Variants in LAMA1 observed in about 807,000 individuals in gnomAD.
LAMA1 encodes laminin subunit alpha 1.
In LAMA1, 219 loss-of-function variants were observed where a neutral mutation model predicts 348.7. The observed-to-expected ratio is 0.63, with a 90% CI of 0.56 to 0.70. The LOEUF is 0.70. LAMA1 is among the 30% of genes least tolerant of loss of function. LAMA1 has a pLI of 0.00. For missense variants in LAMA1, 3,744 were observed against 3,888.0 expected, an observed-to-expected ratio of 0.96 and a Z score of 0.99; for synonymous variants, 1,487 against 1,491.0, an observed-to-expected ratio of 1.00 and a Z score of 0.06.
intron 3 of LAMA1, among the ~76,000 whole-genome samples, chr18:7,055,970 C>G (rs189230384): frequency 3.4e-4 from 51 of 151,876 alleles, no homozygotes; most frequent in African/African-American, 1.0e-3. Context: ...GTCCCAGCTA[C>G]TCGAGAAGCT....
rs2058025101 is a variant in LAMA1, at chr18:7,042,536, T to G, written c.1156-286A>C. On this transcript the variant is annotated intron_variant, in intron 8 of 62. Coordinates refer to ENST00000389658, the MANE Select transcript of LAMA1 (RefSeq NM_005559.4). Reference sequence around the variant, plus strand: ...GCTGCTGTCTCTCAGAGCCACGTTATAACCAGGACACCACAAGGACTCATG... The same window carrying G: ...GCTGCTGTCTCTCAGAGCCACGTTAGAACCAGGACACCACAAGGACTCATG... The G allele has an allele frequency of 2.6e-5, 10 of 379,204 alleles. No homozygotes were observed. The Admixed American group carries it at 3.7e-4, about 14-fold the overall frequency. 23.5% of individuals were successfully genotyped at this position (379,204 alleles called of 1,614,324 possible).
chr18:6,980,081 C>T lies in LAMA1; in HGVS notation c.6007+440G>A, dbSNP rs992241824. ...ATCAGTATTAAAGTGATCAGTGAGCCTAATGTTTTACTGCCTCACTGAGGA... is the reference window on the plus strand; with the variant it reads ...ATCAGTATTAAAGTGATCAGTGAGCTTAATGTTTTACTGCCTCACTGAGGA... On this transcript the variant is annotated intron_variant, in intron 42 of 62. Transcript: ENST00000389658. 1.2e-4 allele frequency among the ~76,000 whole-genome samples: 18 copies of T among 152,150 alleles called. 1 individual carries two copies. Among genetic ancestry groups the T allele is most frequent in the Admixed American group, 1.2e-3 (18 of 15,276 alleles).
At position 7,026,029 on chromosome 18, in the gene LAMA1, T is replaced by C. The variant is rs753377189; in HGVS notation, c.2352A>G (p.Thr784=). Residue 784 remains threonine (T), a synonymous_variant, in exon 17 of 63, where the codon ACA becomes ACG. Coordinates refer to ENST00000389658, the MANE Select transcript of LAMA1 (RefSeq NM_005559.4). The part of the protein sequence containing the change: ...PGFYGEPSRG[T]PGDCQPCACP... ...AGGCGCAGGGCTGGCAGTCCCCAGG[T>C]GTCCCTCGGGAAGGCTCCCCGTAGA... 2.4e-5 allele frequency: 39 copies of C among 1,609,682 alleles called. No homozygotes were observed. The South Asian group carries it at 3.9e-4, about 16-fold the overall frequency.
intron 1 of LAMA1, among the ~76,000 whole-genome samples, chr18:7,117,268 C>A (rs1387407626): frequency 6.6e-6 from 1 of 151,554 alleles, no homozygotes; most frequent in Non-Finnish European, 1.5e-5. Flanking sequence ...AGCCCCGCCA[C>A]CCCCGCCCGC....
At chr18:7,043,452 T>C (rs774559756) in intron 7 of LAMA1, 47 bp from the exon 8 acceptor site, 4 of 1,524,590 alleles carry the variant, frequency 2.6e-6, no homozygotes, top group Non-Finnish European at 3.6e-6. Context: ...TAGCATGCCT[T>C]ATACAAAGAA....
intron 51 of LAMA1, among the ~76,000 whole-genome samples, chr18:6,962,831 A>G (rs1235752351): frequency 1.3e-5 from 2 of 152,198 alleles, no homozygotes; most frequent in East Asian, 3.9e-4. Context: ...AAGTAACTGT[A>G]TTTGGTGAAG....
chr18:6,969,742 C>T (rs2057649731), intron 48 of LAMA1, among the ~76,000 whole-genome samples: 1 of 152,160 alleles, frequency 6.6e-6, no homozygotes, highest in African/African-American at 2.4e-5. Flanking sequence ...AGGGCAGCAT[C>T]TTTGACCCAA....
intron 1 of LAMA1, among the ~76,000 whole-genome samples, chr18:7,113,095 G>A (rs773741296): frequency 3.3e-5 from 5 of 152,182 alleles, no homozygotes; most frequent in Middle Eastern, 3.2e-3. Flanking sequence ...GAGAGAAGGT[G>A]AGCCAGATAA....
intron 1 of LAMA1, among the ~76,000 whole-genome samples, chr18:7,115,731 G>A (rs773155401): frequency 6.7e-6 from 1 of 150,332 alleles, no homozygotes; most frequent in African/African-American, 2.4e-5. Context: ...AGCACTTTGG[G>A]AGGCCGAGGT....
intron 57 of LAMA1, 22 bp from the exon 58 acceptor site, chr18:6,950,993 C>T (rs1416650313): frequency 6.8e-6 from 11 of 1,608,170 alleles, no homozygotes; most frequent in South Asian, 1.1e-5. Context: ...AAGTGCTCAG[C>T]GTTGAGAAAG....
intron 36 of LAMA1, among the ~76,000 whole-genome samples, chr18:6,990,720 G>A (rs1021371801): frequency 1.1e-4 from 17 of 151,886 alleles, no homozygotes; most frequent in African/African-American, 3.9e-4. Flanking sequence ...TCGTTTCCCC[G>A]CCCCTGAAAG....
At position 6,985,445 on chromosome 18, in the gene LAMA1, A is replaced by G. The variant is rs765278779; in HGVS notation, c.5497-45T>C. 1.9e-6 allele frequency: 3 copies of G among 1,602,618 alleles called. No individual in the cohort carries two copies. In the East Asian group the frequency reaches 6.7e-5, roughly 36 times the overall value. ...TTGTAAATATATGCACATCTACTTA[A>G]TAACAGATATGTGTGCATATAGAAA... On this transcript the variant is annotated intron_variant, in intron 38 of 62. Transcript: ENST00000389658.
chr18:6,951,049 A>G, intron 57 of LAMA1, 78 bp from the exon 58 acceptor site: 1 of 1,320,980 alleles, frequency 7.6e-7, no homozygotes, highest in Non-Finnish European at 1.1e-6. Flanking sequence ...AGGACCCAAC[A>G]ATTGTTTCAG....
rs141075121 is a variant in LAMA1 at position 7,108,149 on chromosome 18, A to G, written c.61+9511T>C. On this transcript the variant is annotated intron_variant, in intron 1 of 62. Transcript: ENST00000389658. ...TCAGGAGTTCGAGACAACCCTGACC[A>G]ACATAGTGAAACTCCGTCTCTACTA... 4.4e-4 allele frequency among the ~76,000 whole-genome samples: 67 copies of G among 151,850 alleles called. 1 individual carries two copies. In the East Asian group the frequency reaches 0.011, roughly 26 times the overall value.
chr18:7,016,363 T>C (rs1027742214), intron 21 of LAMA1, 128 bp downstream of exon 21: 7 of 1,049,558 alleles, frequency 6.7e-6, no homozygotes, highest in East Asian at 5.0e-5. Flanking sequence ...AAAAAAGGTA[T>C]GAAATCCTCC....
Position 6,942,191 on chromosome 18 carries a change from C to T in LAMA1, c.9116G>A (p.Cys3039Tyr). 6.2e-7 allele frequency: 1 copy of T among 1,614,184 alleles called. No homozygotes were observed. The highest frequency in any genetic ancestry group is 8.5e-7 in the Non-Finnish European group (1 of 1,180,044). The change falls in exon 63 of 63, where the codon TGT becomes TAT. Residue 3039 changes from cysteine to tyrosine, a missense_variant. Around this residue, in one of 3 missense-constraint regions of LAMA1, gnomAD observed 232 missense variants for 264.4 expected, o/e 0.88. Transcript: ENST00000389658. ...CTTAATCAGAGCTAGCTTCCTCAAACACCCGCGGAACGAGGTCTGGCTGCG... is the reference window on the plus strand; with the variant it reads ...CTTAATCAGAGCTAGCTTCCTCAAATACCCGCGGAACGAGGTCTGGCTGCG... ...CLRSQTSFRG[C>Y]LRKLALIKSP...
At chr18:7,080,525 A>C (rs2058189123) in intron 1 of LAMA1, 68 bp from the exon 2 acceptor site, 1 of 1,513,772 alleles carries the variant, frequency 6.6e-7, no homozygotes, top group African/African-American at 1.4e-5. Context: ...ACCCCATCCC[A>C]CTTGGTAGGT....
chr18:7,020,936 G>A (rs1600398712), intron 19 of LAMA1, among the ~76,000 whole-genome samples: 1 of 152,252 alleles, frequency 6.6e-6, no homozygotes, highest in African/African-American at 2.4e-5. Flanking sequence ...GTGAGTCCCA[G>A]GACAGGGAGG....
intron 59 of LAMA1, 68 bp from the exon 60 acceptor site, chr18:6,948,624 TTCCACTTCA>T: frequency 6.4e-7 from 1 of 1,573,940 alleles, no homozygotes; most frequent in Non-Finnish European, 8.7e-7. Flanking sequence ...CACATTTTCC[TTCCACTTCA>T]TCAGACTGGT....
Sources: allele counts gnomAD v4.1 joint callset (sites outside exome capture counted in the v4.1 genomes callset), GRCh38; gene constraint gnomAD v4.1.1; regional missense constraint gnomAD v4.1.1; transcripts MANE v1.5; gene names NCBI Gene and HGNC (gene_info 2026-07-23, HGNC 2026-07-21).